The following PDIA5 variants were observed in gnomAD, a reference collection of about 807,000 sequenced individuals.
PDIA5 encodes the protein protein disulfide isomerase family A member 5, also known as protein disulfide-isomerase A5.
A neutral mutation model predicts 77.6 loss-of-function variants in PDIA5; 58 were observed. That is an observed-to-expected ratio of 0.75 (90% CI 0.61 to 0.93). The LOEUF (loss-of-function observed/expected upper bound fraction) is 0.93, where lower values mean the gene tolerates loss of function less well. Ranked by LOEUF, PDIA5 falls within the 40% of genes least tolerant of loss-of-function variation. The pLI is 0.00. For missense variants in PDIA5, 630 were observed against 647.7 expected, an observed-to-expected ratio of 0.97 and a Z score of 0.30; for synonymous variants, 250 against 252.1, an observed-to-expected ratio of 0.99 and a Z score of 0.08.
At chr3:123,145,462 G>A (rs752590720) in intron 11 of PDIA5, 60 bp from the exon 12 acceptor site, 4 of 1,337,756 alleles carry the variant, frequency 3.0e-6, no homozygotes, top group Admixed American at 1.7e-5. Context: ...AGGCGGCGCA[G>A]GGGAGCATCC....
intron 1 of PDIA5, among the ~76,000 whole-genome samples, chr3:123,073,809 C>T (rs566800481): frequency 1.5e-4 from 23 of 152,334 alleles, no homozygotes; most frequent in African/African-American, 3.8e-4. Flanking sequence ...TCCTACAGTT[C>T]CTCCAACCCC....
chr3:123,118,135 A>G (rs1935035782), intron 8 of PDIA5, among the ~76,000 whole-genome samples: 1 of 152,250 alleles, frequency 6.6e-6, no homozygotes, highest in Non-Finnish European at 1.5e-5. Context: ...ATGGGGCTGC[A>G]GAGAGCCAAT....
intron 3 of PDIA5, among the ~76,000 whole-genome samples, chr3:123,098,543 A>G (rs1160872616): frequency 1.3e-5 from 2 of 152,162 alleles, no homozygotes; most frequent in South Asian, 2.1e-4. Flanking sequence ...GAAAACACCC[A>G]TGCCCATGTG....
At chr3:123,157,480 G>C (rs13066716) in intron 15 of PDIA5, among the ~76,000 whole-genome samples, 25,978 of 152,164 alleles carry the variant, frequency 0.17, 2,745 homozygotes, top group Non-Finnish European at 0.23. Context: ...GAGAGGAGCT[G>C]TGTCCCTTGT....
chr3:123,159,774 G>A (rs75882976), intron 15 of PDIA5, among the ~76,000 whole-genome samples: 3,582 of 152,186 alleles, frequency 0.024, 59 homozygotes, highest in Admixed American at 0.035. Context: ...GAAGCGTGAG[G>A]GTGAGGGGGG....
chr3:123,081,478 C>T (rs1934002025), intron 1 of PDIA5, among the ~76,000 whole-genome samples: 1 of 152,174 alleles, frequency 6.6e-6, no homozygotes, highest in Non-Finnish European at 1.5e-5. Context: ...TCCCTGAGTC[C>T]CTTTCGTACC....
chr3:123,103,387 C>G lies in PDIA5; in HGVS notation c.387+591C>G, dbSNP rs1242800717. Among the ~76,000 whole-genome samples the G allele has an allele frequency of 5.9e-5, 9 of 152,354 alleles. No homozygotes were observed. The South Asian group carries it at 6.2e-4, about 11-fold the overall frequency. On this transcript the variant is annotated intron_variant, in intron 5 of 16. Transcript: ENST00000316218. ...AACTGCAACTCTCCTCCTTCAGGGT[C>G]AGGATTCCCTTCCTCCAGCCTGTCT...
At chr3:123,157,085 C>T (rs1936038022) in intron 15 of PDIA5, among the ~76,000 whole-genome samples, 1 of 152,194 alleles carries the variant, frequency 6.6e-6, no homozygotes. Flanking sequence ...GGGTTCAGTC[C>T]TCCTGTCTCT....
chr3:123,103,151 G>C (rs1436524083), intron 5 of PDIA5, among the ~76,000 whole-genome samples: 1 of 152,182 alleles, frequency 6.6e-6, no homozygotes, highest in Non-Finnish European at 1.5e-5. Context: ...TGGATGCCCA[G>C]GTTAGCACAG....
intron 3 of PDIA5, among the ~76,000 whole-genome samples, chr3:123,096,711 G>A (rs1934451731): frequency 6.6e-6 from 1 of 152,132 alleles, no homozygotes. Flanking sequence ...CTAGGGTTTT[G>A]TCAGCTTTCC....
Position 123,124,341 on chromosome 3 carries a change from GAAGT to G in PDIA5, c.773+3_773+6del. 3.7e-6 allele frequency: 6 copies of G among 1,611,406 alleles called. No individual in the cohort carries two copies. The highest frequency in any genetic ancestry group is 5.1e-6 in the Non-Finnish European group (6 of 1,177,446). On this transcript the variant is annotated splice_donor_variant and coding_sequence_variant, in exon 10 of 17. Coordinates refer to ENST00000316218, the MANE Select transcript of PDIA5 (RefSeq NM_006810.4). LOFTEE classifies it high-confidence loss of function. ...CTGAGGACATTGTGGAGTGGCTGAA[GAAGT>G]AAGTGGGGTGTGTGTGTGTCAGTGG... is the stretch of plus-strand genomic sequence containing the variant.
At chr3:123,157,045 C>A (rs1936036789) in intron 15 of PDIA5, among the ~76,000 whole-genome samples, 1 of 152,222 alleles carries the variant, frequency 6.6e-6, no homozygotes, top group Non-Finnish European at 1.5e-5. Flanking sequence ...GCTTGATTGT[C>A]TTGGGCCAGT....
intron 1 of PDIA5, among the ~76,000 whole-genome samples, chr3:123,080,798 G>T (rs989906885): frequency 3.9e-5 from 6 of 152,142 alleles, no homozygotes; most frequent in Admixed American, 3.9e-4. Flanking sequence ...TCCTTAAAAA[G>T]ATCATTTATT....
chr3:123,104,286 G>A lies in PDIA5; in HGVS notation c.387+1490G>A, dbSNP rs531735875. On this transcript the variant is annotated intron_variant, in intron 5 of 16. Coordinates refer to ENST00000316218, the MANE Select transcript of PDIA5 (RefSeq NM_006810.4). The stretch of plus-strand genomic sequence containing the variant: ...TCCCAGCATCCCCAAGCAGGACTGG[G>A]GCAGAATCCCTGGAGTTCTTCAGGG... Among the ~76,000 whole-genome samples the A allele has an allele frequency of 3.9e-5, 6 of 152,268 alleles. No homozygotes were observed. In the East Asian group the frequency reaches 1.2e-3, roughly 29 times the overall value.
At chr3:123,154,036 G>A (rs908491482) in intron 14 of PDIA5, among the ~76,000 whole-genome samples, 2 of 152,268 alleles carry the variant, frequency 1.3e-5, no homozygotes, top group South Asian at 2.1e-4. Context: ...GAGAGAGGAG[G>A]GGGGTTTGGG....
intron 7 of PDIA5, among the ~76,000 whole-genome samples, chr3:123,111,499 T>G (rs1934864166): frequency 6.6e-6 from 1 of 152,212 alleles, no homozygotes; most frequent in Non-Finnish European, 1.5e-5. Context: ...AGAAACTGGT[T>G]CCAGGATTTG....
At chr3:123,104,277 C>A (rs1341319697) in intron 5 of PDIA5, among the ~76,000 whole-genome samples, 1 of 152,182 alleles carries the variant, frequency 6.6e-6, no homozygotes, top group East Asian at 1.9e-4. Flanking sequence ...CATCCCCAAG[C>A]AGGACTGGGG....
chr3:123,153,570 G>A (rs1232764776), intron 14 of PDIA5, among the ~76,000 whole-genome samples: 4 of 152,190 alleles, frequency 2.6e-5, no homozygotes, highest in Non-Finnish European at 5.9e-5. Context: ...TTGCTAAGCT[G>A]TGCTTGTCTC....
intron 13 of PDIA5, among the ~76,000 whole-genome samples, chr3:123,149,731 G>T (rs1935846221): frequency 6.6e-6 from 1 of 152,140 alleles, no homozygotes; most frequent in South Asian, 2.1e-4. Flanking sequence ...GAAAACGGAG[G>T]CTCAGAGGGG....
Sources: gnomAD v4.1 joint callset for allele counts (sites outside exome capture counted in the v4.1 genomes callset) on GRCh38, gnomAD v4.1.1 for gene constraint, MANE v1.5 for transcripts, NCBI Gene and HGNC (gene_info 2026-07-23, HGNC 2026-07-21) for gene names.